The following BORCS5 variants were observed in gnomAD, a reference collection of about 807,000 sequenced individuals.
The protein encoded by BORCS5 is BLOC-1 related complex subunit 5.
In BORCS5, 17 loss-of-function variants were observed where a neutral mutation model predicts 22.1. The observed-to-expected ratio is 0.77, with a 90% CI of 0.53 to 1.15. The LOEUF (loss-of-function observed/expected upper bound fraction) is 1.15. Among genes scored for constraint, BORCS5 ranks in the 50% most tolerant of loss-of-function variants. The pLI, the probability that BORCS5 is intolerant of heterozygous loss-of-function variation, is 0.00. For missense variants in BORCS5, 247 were observed against 253.2 expected (o/e 0.98, Z 0.17); for synonymous variants, 117 against 99.8 (o/e 1.17, Z -1.03).
At chr12:12,401,295 G>T (rs748304875) in intron 2 of BORCS5, among the ~76,000 whole-genome samples, 1 of 151,904 alleles carries the variant, frequency 6.6e-6, no homozygotes, top group Non-Finnish European at 1.5e-5. Context: ...AGTTCCTGTT[G>T]TTCCACATCC....
chr12:12,410,382 C>G (rs1157485130), intron 2 of BORCS5, among the ~76,000 whole-genome samples: 1 of 151,432 alleles, frequency 6.6e-6, no homozygotes, highest in Non-Finnish European at 1.5e-5. Context: ...AGTCTTTAAT[C>G]CATCTTGAAT....
intron 3 of BORCS5, among the ~76,000 whole-genome samples, chr12:12,445,866 ACTC>A (rs940167616): frequency 1.4e-4 from 21 of 149,742 alleles, no homozygotes; most frequent in African/African-American, 4.2e-4. Context: ...CTGACCTTGA[ACTC>A]CTGGCCTCAA....
intron 2 of BORCS5, among the ~76,000 whole-genome samples, chr12:12,395,298 C>G (rs183082887): frequency 6.6e-6 from 1 of 151,726 alleles, no homozygotes; most frequent in Non-Finnish European, 1.5e-5. Flanking sequence ...GAGAAAGAGT[C>G]TCTCTCTGTC....
Position 12,357,242 on chromosome 12 carries a change from C to T in BORCS5, c.-210C>T, listed in dbSNP as rs551335423. 3.1e-4 allele frequency: 456 copies of T among 1,471,066 alleles called. 4 individuals carry two copies. In the African/African-American group the frequency reaches 6.0e-3, roughly 19 times the overall value. 91.1% of individuals were successfully genotyped at this position (1,471,066 alleles called of 1,614,324 possible). On this transcript the variant is annotated 5_prime_UTR_variant, in exon 1 of 4. Transcript: ENST00000314565. ...CGTGCGTTCGCGCCGCGCCTCCTTG[C>T]GTTTCTGTTCCCCAAATAGGGCCTC... is the stretch of plus-strand genomic sequence containing the variant.
At chr12:12,457,444 C>T (rs992090885) in intron 3 of BORCS5, among the ~76,000 whole-genome samples, 7 of 152,244 alleles carry the variant, frequency 4.6e-5, no homozygotes, top group South Asian at 4.1e-4. Context: ...CCGAGGCGGG[C>T]GGATCACGAG....
chr12:12,421,378 C>G (rs1191716072), intron 2 of BORCS5, among the ~76,000 whole-genome samples: 1 of 152,164 alleles, frequency 6.6e-6, no homozygotes, highest in African/African-American at 2.4e-5. Context: ...GTTGAACCAG[C>G]CTTGCATCCC....
intron 1 of BORCS5, among the ~76,000 whole-genome samples, chr12:12,357,818 G>A (rs1432222531): frequency 6.6e-6 from 1 of 152,224 alleles, no homozygotes; most frequent in Non-Finnish European, 1.5e-5. Flanking sequence ...GCTCATGGCT[G>A]ATGTAGTGAG....
intron 1 of BORCS5, among the ~76,000 whole-genome samples, chr12:12,359,593 C>T (rs547739073): frequency 1.3e-5 from 2 of 151,544 alleles, no homozygotes; most frequent in African/African-American, 4.8e-5. Flanking sequence ...AACTCCTGAC[C>T]TCAAGTGATC....
At chr12:12,372,506 T>C (rs189867138) in intron 2 of BORCS5, among the ~76,000 whole-genome samples, 110 of 152,286 alleles carry the variant, frequency 7.2e-4, no homozygotes, top group African/African-American at 2.6e-3. Flanking sequence ...CCACCACACC[T>C]GGCCTGGATT....
chr12:12,414,664 G>A (rs572687801), intron 2 of BORCS5, among the ~76,000 whole-genome samples: 1 of 92,434 alleles, frequency 1.1e-5, no homozygotes, highest in Non-Finnish European at 2.4e-5. Context: ...CCTCCCGGAC[G>A]GGGCGGCTGG....
intron 3 of BORCS5, chr12:12,452,481 C>A: frequency 2.1e-6 from 1 of 479,990 alleles, no homozygotes; most frequent in African/African-American, 2.0e-5. Flanking sequence ...TCGCCTTGAT[C>A]GTGGCTGGGT....
intron 3 of BORCS5, among the ~76,000 whole-genome samples, chr12:12,457,585 C>T (rs960418571): frequency 6.6e-6 from 1 of 151,998 alleles, no homozygotes; most frequent in Non-Finnish European, 1.5e-5. Context: ...AGGAGAATGG[C>T]GTGAACCCCG....
chr12:12,469,556 G>C lies in BORCS5; in HGVS notation c.*3780G>C, dbSNP rs1943256242. ...AAGGTTACATAAACTAATGGCCCTG[G>C]GGCGAATGACGTATGCCACTTTTGT... is the stretch of plus-strand genomic sequence containing the variant. On this transcript the variant is annotated 3_prime_UTR_variant, in exon 4 of 4. Transcript: ENST00000314565. 6.6e-6 allele frequency: 1 copy of C among 152,214 alleles called. No homozygotes were observed. Among genetic ancestry groups the C allele is most frequent in the Non-Finnish European group, 1.5e-5 (1 of 68,038 alleles). The allele number at this position is 152,214 out of a possible 1,614,324, so 9.4% of individuals were successfully genotyped here.
intron 2 of BORCS5, among the ~76,000 whole-genome samples, chr12:12,407,481 A>G (rs1464610743): frequency 6.6e-6 from 1 of 151,904 alleles, no homozygotes; most frequent in Non-Finnish European, 1.5e-5. Flanking sequence ...TTGTAATTGT[A>G]AAATATGTAT....
At chr12:12,368,257 C>A (rs891049638) in intron 2 of BORCS5, among the ~76,000 whole-genome samples, 2 of 151,738 alleles carry the variant, frequency 1.3e-5, no homozygotes, top group Middle Eastern at 3.2e-3. Context: ...TATGATACCT[C>A]CCCACCCAGT....
intron 2 of BORCS5, among the ~76,000 whole-genome samples, chr12:12,414,393 C>A (rs1315976394): frequency 8.9e-6 from 1 of 112,126 alleles, no homozygotes; most frequent in Non-Finnish European, 2.0e-5. Flanking sequence ...GCTGACCCCC[C>A]CACCTCCCTC....
chr12:12,387,584 A>C (rs1218787001), intron 2 of BORCS5, among the ~76,000 whole-genome samples: 1 of 151,476 alleles, frequency 6.6e-6, no homozygotes, highest in Non-Finnish European at 1.5e-5. Context: ...TGACCCCCAG[A>C]ATTGGCATAG....
chr12:12,444,017 A>G (rs1214266057), intron 3 of BORCS5, among the ~76,000 whole-genome samples: 2 of 152,230 alleles, frequency 1.3e-5, no homozygotes, highest in Non-Finnish European at 2.9e-5. Context: ...GGGAAAAGAT[A>G]TTCCCTGTCC....
intron 2 of BORCS5, among the ~76,000 whole-genome samples, chr12:12,375,737 T>C (rs1003441262): frequency 5.9e-5 from 9 of 152,232 alleles, no homozygotes; most frequent in Admixed American, 4.6e-4. Context: ...AGAATGCACT[T>C]GGATAGATAA....
Sources: allele counts gnomAD v4.1 joint callset (sites outside exome capture counted in the v4.1 genomes callset), GRCh38; gene constraint gnomAD v4.1.1; transcripts MANE v1.5; gene names NCBI Gene and HGNC (gene_info 2026-07-23, HGNC 2026-07-21).